Variants in DNAH10 observed in about 807,000 individuals in gnomAD.
DNAH10 encodes dynein axonemal heavy chain 10, also known as axonemal beta dynein heavy chain 10.
DNAH10 carries 348 observed loss-of-function variants against 506.6 expected under a neutral mutation model. The ratio of observed to expected loss-of-function variants is 0.69; its 90% CI spans 0.63 to 0.75. DNAH10 has a LOEUF of 0.75. Ranked by LOEUF, DNAH10 falls within the 30% of genes least tolerant of loss-of-function variation. The pLI, the probability that DNAH10 is intolerant of heterozygous loss-of-function variation, is 0.00. For synonymous variants in DNAH10, 2,059 were observed against 2,198.6 expected, an observed-to-expected ratio of 0.94 and a Z score of 1.78; for missense variants, 5,179 against 5,787.1, an observed-to-expected ratio of 0.89 and a Z score of 3.41.
chr12:123,860,868 G>A (rs1463212548), intron 38 of DNAH10, 144 bp from the exon 39 acceptor site: 1 of 1,004,074 alleles, frequency 1.0e-6, no homozygotes, highest in Non-Finnish European at 1.5e-6. Context: ...ACAGTGAAGG[G>A]AAGCCCAGTG....
intron 45 of DNAH10, among the ~76,000 whole-genome samples, chr12:123,872,977 G>A (rs1258314519): frequency 6.6e-6 from 1 of 152,216 alleles, no homozygotes; most frequent in Non-Finnish European, 1.5e-5. Flanking sequence ...AGCATGGCAG[G>A]AGGGCCTGAG....
At chr12:123,898,309 C>G (rs1180672403) in intron 55 of DNAH10, among the ~76,000 whole-genome samples, 2 of 152,210 alleles carry the variant, frequency 1.3e-5, no homozygotes, top group African/African-American at 4.8e-5. Flanking sequence ...CTCCTGGGTT[C>G]ACGTGCTCCT....
At position 123,929,708 on chromosome 12, in the gene DNAH10, G is replaced by A; in HGVS notation, c.12561G>A (p.Gln4187=). 6.2e-7 allele frequency: 1 copy of A among 1,613,650 alleles called. No homozygotes were observed. The highest frequency in any genetic ancestry group is 8.5e-7 in the Non-Finnish European group (1 of 1,179,778). The part of the protein sequence containing the change: ...ILNTYLTKAF[Q]QRDPRIPWGS... ...ACACGTACTTAACGAAAGCCTTCCA[G>A]CAACGGGACCCAAGGATCCCGTGGG... is the stretch of plus-strand genomic sequence containing the variant. Residue 4187 remains glutamine, a synonymous_variant, in exon 72 of 79, where the codon CAG becomes CAA. Coordinates refer to ENST00000673944, the MANE Select transcript of DNAH10 (RefSeq NM_001372106.1).
chr12:123,836,631 G>A (rs1192690302), intron 28 of DNAH10, among the ~76,000 whole-genome samples: 1 of 152,082 alleles, frequency 6.6e-6, no homozygotes, highest in Non-Finnish European at 1.5e-5. Context: ...AATTATAGGT[G>A]GCCAGTTCAT....
At position 123,790,075 on chromosome 12, in the gene DNAH10, C is replaced by T. The variant is rs1958022163; in HGVS notation, c.1769C>T (p.Ser590Phe). ...TTTGACCCCTTCAGCATCAAGTCCT[C>T]CCAGTTCTGGAAATATGTGATGGAT... ...LTFDPFSIKS[S>F]QFWKYVMDEF... is the part of the protein sequence containing the mutation. Residue 590 changes from serine (S) to phenylalanine (F), a missense_variant, in exon 11 of 79, where the codon TCC becomes TTC. This residue lies in a region of DNAH10 where 4,844 missense variants were observed against 5,430.5 expected (regional missense o/e 0.89). Transcript: ENST00000673944. The T allele has an allele frequency of 1.2e-6, 2 of 1,614,024 alleles. No individual in the cohort carries two copies. The highest frequency in any genetic ancestry group is 8.5e-7 in the Non-Finnish European group (1 of 1,180,034).
intron 54 of DNAH10, among the ~76,000 whole-genome samples, chr12:123,895,639 G>A (rs375249882): frequency 6.6e-5 from 10 of 152,244 alleles, no homozygotes; most frequent in East Asian, 5.8e-4. Flanking sequence ...AACAGGGGGC[G>A]GGCTGGATTT....
rs570361890 is a variant in DNAH10, at chr12:123,880,025, G to A, written c.8634+224G>A. Among the ~76,000 whole-genome samples, 97 of 152,326 alleles carry A rather than the reference G, an allele frequency of 6.4e-4. 2 individuals are homozygous for A. The South Asian group carries it at 0.012, about 18-fold the overall frequency. ...GGGGCCACCCCGTGAGATTTGCTGC[G>A]CTGGGCCCATGGAGGGTCCCCAGAT... On this transcript the variant is annotated intron_variant, in intron 50 of 78. Transcript: ENST00000673944.
At chr12:123,887,413 C>G in intron 52 of DNAH10, 100 bp downstream of exon 52, 6 of 1,375,452 alleles carry the variant, frequency 4.4e-6, no homozygotes, top group Non-Finnish European at 5.8e-6. Context: ...CTGTGGGTAG[C>G]CCTGTGCGGG....
In DNAH10 at chr12:123,853,632, C is replaced by T. The variant is rs116357256; in HGVS notation, c.6438+280C>T. 0.016 allele frequency among the ~76,000 whole-genome samples: 2,476 copies of T among 151,994 alleles called. 65 individuals carry two copies. Among genetic ancestry groups the T allele is most frequent in the African/African-American group, 0.056 (2,313 of 41,422 alleles). ...ATCTGTAGTCTCAGGATGGGTGTGGCGGAAGGGTGGGGACTAACAAAATTC... is the reference window on the plus strand; with the variant it reads ...ATCTGTAGTCTCAGGATGGGTGTGGTGGAAGGGTGGGGACTAACAAAATTC... On this transcript the variant is annotated intron_variant, in intron 36 of 78. Transcript: ENST00000673944. This position sits in a 1 kb window ranked among gnomAD's most constrained non-coding sequence, Gnocchi z 4.7.
chr12:123,803,771 G>A lies in DNAH10; in HGVS notation c.2725G>A (p.Glu909Lys), dbSNP rs1008091930. 5 of 1,612,190 alleles carry A rather than the reference G, an allele frequency of 3.1e-6. No homozygotes were observed. Among genetic ancestry groups the A allele is most frequent in the Non-Finnish European group, 4.2e-6 (5 of 1,179,648 alleles). The change falls in exon 17 of 79, where the codon GAG (glutamate) becomes AAG (lysine). Residue 909 changes from glutamate (E) to lysine (K), a missense_variant. Glu to Lys is a moderately conservative substitution (Grantham distance 56). Coordinates refer to ENST00000673944, the MANE Select transcript of DNAH10 (RefSeq NM_001372106.1). ...DDISSRLTLIEAINLFKYPAA... is the reference protein window; with the variant it reads ...DDISSRLTLIKAINLFKYPAA... ...CATTTCTTCCAGGCTGACATTAATA[G>A]AGGCCATAAATCTCTTTAAATATCC... is the stretch of plus-strand genomic sequence containing the variant.
At chr12:123,885,142 C>T (rs537913593) in intron 51 of DNAH10, among the ~76,000 whole-genome samples, 5 of 152,258 alleles carry the variant, frequency 3.3e-5, no homozygotes, top group South Asian at 4.2e-4. Context: ...AGCACTTTTG[C>T]GCCATGGCAA....
chr12:123,918,233 G>A (rs1033058401), intron 64 of DNAH10, among the ~76,000 whole-genome samples: 1 of 152,194 alleles, frequency 6.6e-6, no homozygotes, highest in African/African-American at 2.4e-5. Context: ...GACTGGTCTG[G>A]CCTCACGTCC....
rs974048490 is a variant in DNAH10 at position 123,921,719 on chromosome 12, T to G, written c.11507-2044T>G. ...TTTTTTTTTTTTTTTTTTTTTTTTT[T>G]TTTTTTTTTTTTGAGACAGAATGTC... is the stretch of plus-strand genomic sequence containing the variant. On this transcript the variant is annotated intron_variant, in intron 65 of 78. Transcript: ENST00000673944. 5.5e-3 allele frequency among the ~76,000 whole-genome samples: 455 copies of G among 83,408 alleles called. 29 individuals are homozygous for G. Among genetic ancestry groups the G allele is most frequent in the African/African-American group, 0.021 (431 of 20,342 alleles). The allele number at this position is 83,408 out of a possible 152,430, so 54.7% of individuals were successfully genotyped here.
chr12:123,901,242 G>A (rs1319571314), intron 56 of DNAH10, among the ~76,000 whole-genome samples: 2 of 152,202 alleles, frequency 1.3e-5, no homozygotes, highest in Admixed American at 1.3e-4. Flanking sequence ...AGCTCTGGTG[G>A]TGTCCTGTTA....
rs1488396888 is a variant in DNAH10 at position 123,813,325 on chromosome 12, C to G, written c.3306C>G (p.Ile1102Met). ...CCCAAAATGTCCACAGGATTCTGAT[C>G]AATCTTATGAAGTATCTACAAAAAT... ...MIPQNVHRIL[I>M]NLMKYLQKWK... is the part of the protein sequence containing the mutation. The change falls in exon 20 of 79, where the codon ATC (isoleucine) becomes ATG (methionine). Residue 1102 changes from isoleucine (I) to methionine (M), a missense_variant. Coordinates refer to ENST00000673944, the MANE Select transcript of DNAH10 (RefSeq NM_001372106.1). 1 of 1,614,066 alleles carries G rather than the reference C, an allele frequency of 6.2e-7. No homozygotes were observed. The highest frequency in any genetic ancestry group is 1.1e-5 in the South Asian group (1 of 91,074).
At chr12:123,763,545 T>C (rs970845646) in intron 1 of DNAH10, among the ~76,000 whole-genome samples, 6 of 151,158 alleles carry the variant, frequency 4.0e-5, no homozygotes, top group Admixed American at 6.6e-5. Flanking sequence ...GATTCATTTA[T>C]TGTATTCTAT....
At chr12:123,800,097 C>G in intron 14 of DNAH10, 119 bp from the exon 15 acceptor site, 1 of 887,336 alleles carries the variant, frequency 1.1e-6, no homozygotes, top group South Asian at 2.8e-5. Flanking sequence ...CAGCCAGCAC[C>G]CCCGTCTGGT....
rs1958560243 is a variant in DNAH10 at position 123,803,842 on chromosome 12, G to T, written c.2779+17G>T. 6.2e-7 allele frequency: 1 copy of T among 1,600,672 alleles called. No homozygotes were observed. Among genetic ancestry groups the T allele is most frequent in the African/African-American group, 1.4e-5 (1 of 73,820 alleles). On this transcript the variant is annotated intron_variant, in intron 17 of 78. Coordinates refer to ENST00000673944, the MANE Select transcript of DNAH10 (RefSeq NM_001372106.1). Reference sequence around the variant, plus strand: ...AACTCCCAGGTAGATCTGACTTCTGGGTTCTCCAGTTATGGAATTAATGAG... The same window carrying T: ...AACTCCCAGGTAGATCTGACTTCTGTGTTCTCCAGTTATGGAATTAATGAG...
intron 28 of DNAH10, among the ~76,000 whole-genome samples, chr12:123,836,258 A>T (rs1379459869): frequency 6.6e-6 from 1 of 152,256 alleles, no homozygotes; most frequent in Non-Finnish European, 1.5e-5. Context: ...GAAACAGTTC[A>T]TATTAGGAAG....
Sources: gnomAD v4.1 joint callset for allele counts (sites outside exome capture counted in the v4.1 genomes callset) on GRCh38, gnomAD v4.1.1 for gene constraint, gnomAD v4.1.1 regional missense constraint, Gnocchi (gnomAD v3.1) non-coding constraint, MANE v1.5 for transcripts, NCBI Gene and HGNC (gene_info 2026-07-23, HGNC 2026-07-21) for gene names.